The following LRCH1 variants were observed in gnomAD, a reference collection of about 807,000 sequenced individuals.
The protein encoded by LRCH1 is leucine rich repeats and calponin homology domain containing 1, also known as leucine-rich repeat and calponin homology domain-containing protein 1.
A neutral mutation model predicts 94.9 loss-of-function variants in LRCH1; 23 were observed. The ratio of observed to expected loss-of-function variants is 0.24; its 90% CI spans 0.17 to 0.34. The LOEUF (loss-of-function observed/expected upper bound fraction) is 0.34. Ranked by LOEUF, LRCH1 falls within the 10% of genes least tolerant of loss-of-function variation. LRCH1 has a pLI of 1.00. For missense variants in LRCH1, 790 were observed against 945.9 expected (o/e 0.84, Z 2.16); for synonymous variants, 364 against 354.9 (o/e 1.03, Z -0.29).
At position 46,571,192 on chromosome 13, in the gene LRCH1, A is replaced by G. The variant is rs552616057; in HGVS notation, c.307+17489A>G. On this transcript the variant is annotated intron_variant, in intron 1 of 19. Coordinates refer to ENST00000389797, the MANE Select transcript of LRCH1 (RefSeq NM_001164211.2). ...TGGTGATCAAAACACACCTCCATTA[A>G]CTGCTCCAGCATCTTGTGCATCTCA... Among the ~76,000 whole-genome samples the G allele has an allele frequency of 1.1e-4, 17 of 152,282 alleles. 1 individual carries two copies. In the East Asian group the frequency reaches 3.3e-3, roughly 29 times the overall value.
At chr13:46,632,612 A>G (rs1018938896) in intron 1 of LRCH1, among the ~76,000 whole-genome samples, 3 of 152,268 alleles carry the variant, frequency 2.0e-5, no homozygotes, top group African/African-American at 7.2e-5. Context: ...AGTTCAAGGC[A>G]TAATGCAAGA....
intron 1 of LRCH1, among the ~76,000 whole-genome samples, chr13:46,614,021 A>G (rs571168826): frequency 7.9e-5 from 12 of 152,220 alleles, no homozygotes; most frequent in Non-Finnish European, 1.2e-4. Flanking sequence ...ATGTATTGAA[A>G]GTATACAACA....
At chr13:46,715,433 C>T in intron 15 of LRCH1, 127 bp from the exon 16 acceptor site, 1 of 631,556 alleles carries the variant, frequency 1.6e-6, no homozygotes, top group Non-Finnish European at 2.9e-6. Flanking sequence ...AATTAAACCC[C>T]ATATAAATGA....
chr13:46,635,531 C>T lies in LRCH1; in HGVS notation c.308-14670C>T, dbSNP rs574892464. 3.3e-4 allele frequency among the ~76,000 whole-genome samples: 44 copies of T among 133,058 alleles called. No individual in the cohort carries two copies. The South Asian group carries it at 0.011, about 32-fold the overall frequency. 87.3% of individuals were successfully genotyped at this position (133,058 alleles called of 152,430 possible). On this transcript the variant is annotated intron_variant, in intron 1 of 19. Transcript: ENST00000389797. The stretch of plus-strand genomic sequence containing the variant: ...TGGTGCCCAGGCCAGAGTGCAGTGG[C>T]ACGATCTCAGCTCACTGCAAGCTCT...
intron 3 of LRCH1, among the ~76,000 whole-genome samples, chr13:46,678,551 A>G (rs922275649): frequency 1.3e-5 from 2 of 152,060 alleles, no homozygotes; most frequent in Non-Finnish European, 2.9e-5. Flanking sequence ...TTCACCATAT[A>G]CCCTCCAAAA....
intron 1 of LRCH1, among the ~76,000 whole-genome samples, chr13:46,638,432 A>T (rs116851639): frequency 6.6e-6 from 1 of 152,202 alleles, no homozygotes; most frequent in Non-Finnish European, 1.5e-5. Flanking sequence ...TTAACCAGTT[A>T]CTGATGTAAT....
chr13:46,617,404 G>A (rs1356553546), intron 1 of LRCH1, among the ~76,000 whole-genome samples: 2 of 152,112 alleles, frequency 1.3e-5, no homozygotes, highest in African/African-American at 2.4e-5. Flanking sequence ...TAAGGATGTC[G>A]GCAAATCTGT....
chr13:46,701,350 C>G, intron 11 of LRCH1, 143 bp downstream of exon 11: 1 of 565,748 alleles, frequency 1.8e-6, no homozygotes, highest in South Asian at 2.3e-5. Flanking sequence ...TGTTTATTGC[C>G]TGTTTTCCCA....
chr13:46,625,141 T>A (rs941186716), intron 1 of LRCH1, among the ~76,000 whole-genome samples: 3 of 152,278 alleles, frequency 2.0e-5, no homozygotes, highest in Non-Finnish European at 4.4e-5. Flanking sequence ...AAGTGCCTAG[T>A]GGCGCCCTGT....
chr13:46,703,640 G>T (rs1871602607), intron 11 of LRCH1, among the ~76,000 whole-genome samples: 2 of 152,016 alleles, frequency 1.3e-5, no homozygotes, highest in South Asian at 4.1e-4. Context: ...AACAATTTGG[G>T]GATACTTTAA....
chr13:46,609,947 G>T (rs903721372), intron 1 of LRCH1, among the ~76,000 whole-genome samples: 1 of 152,078 alleles, frequency 6.6e-6, no homozygotes, highest in Non-Finnish European at 1.5e-5. Context: ...GAAGGCATGT[G>T]AATAAAGAAA....
chr13:46,678,914 TA>T (rs2051713197), intron 3 of LRCH1, among the ~76,000 whole-genome samples: 1 of 152,240 alleles, frequency 6.6e-6, no homozygotes, highest in Non-Finnish European at 1.5e-5. Context: ...ACGTGCTACC[TA>T]AATGTATCTG....
downstream of LRCH1, among the ~76,000 whole-genome samples, chr13:46,745,946 T>C (rs1873892677): frequency 6.6e-6 from 1 of 152,138 alleles, no homozygotes; most frequent in Non-Finnish European, 1.5e-5. Context: ...ACCCTGACAC[T>C]GAGTTGAGGG....
chr13:46,744,840 T>TA lies in LRCH1; in HGVS notation c.*2997dup. The TA allele has an allele frequency of 1.0e-6, 1 of 983,812 alleles. No homozygotes were observed. The highest frequency in any genetic ancestry group is 1.2e-6 in the Non-Finnish European group (1 of 828,490). The allele number at this position is 983,812 out of a possible 1,614,324, so 60.9% of individuals were successfully genotyped here. On this transcript the variant is annotated 3_prime_UTR_variant, in exon 20 of 20. Transcript: ENST00000389797. ...ATTTTATTTCAGGAGACTTGATTTT[T>TA]AAAAATTAGGCTTCGTATTTCAAAA...
At chr13:46,582,665 T>TTTTTTTTTTTTTTTTTTTTTTTTC (rs2050385387) in intron 1 of LRCH1, among the ~76,000 whole-genome samples, 1 of 113,244 alleles carries the variant, frequency 8.8e-6, no homozygotes, top group Non-Finnish European at 1.8e-5. Context: ...TTTTTTTTTT[T>TTTTTTTTTTTTTTTTTTTTTTTTC]TTTTTTTGTA....
intron 15 of LRCH1, among the ~76,000 whole-genome samples, chr13:46,713,028 A>G (rs369709737): frequency 1.3e-5 from 2 of 152,214 alleles, no homozygotes; most frequent in African/African-American, 4.8e-5. Context: ...GTTTACTCAC[A>G]TAACAGAGTG....
chr13:46,634,240 C>T (rs1335795237), intron 1 of LRCH1, among the ~76,000 whole-genome samples: 1 of 152,212 alleles, frequency 6.6e-6, no homozygotes, highest in Non-Finnish European at 1.5e-5. Flanking sequence ...CAGAAAGCCC[C>T]AGATGCCACC....
chr13:46,599,074 A>G (rs2050598381), intron 1 of LRCH1, among the ~76,000 whole-genome samples: 1 of 152,154 alleles, frequency 6.6e-6, no homozygotes, highest in South Asian at 2.1e-4. Context: ...CCTTATATAA[A>G]TAGAAGCATA....
intron 7 of LRCH1, among the ~76,000 whole-genome samples, chr13:46,690,091 TCTC>T (rs1024613295): frequency 7.2e-5 from 11 of 152,152 alleles, no homozygotes; most frequent in Non-Finnish European, 1.3e-4. Flanking sequence ...TTTCTCCAAT[TCTC>T]CTCAAGTCGT....
Sources: gnomAD v4.1 joint callset for allele counts (sites outside exome capture counted in the v4.1 genomes callset) on GRCh38, gnomAD v4.1.1 for gene constraint, MANE v1.5 for transcripts, NCBI Gene and HGNC (gene_info 2026-07-23, HGNC 2026-07-21) for gene names.